LRFN5: variants seen among roughly 807,000 people sequenced by gnomAD.
The protein encoded by LRFN5 is leucine rich repeat and fibronectin type III domain containing 5.
In LRFN5, 24 loss-of-function variants were observed where a neutral mutation model predicts 45.6. The observed-to-expected ratio is 0.53, with a 90% CI of 0.38 to 0.74. The LOEUF is 0.74. Ranked by LOEUF, LRFN5 falls within the 30% of genes least tolerant of loss-of-function variation. The pLI is 0.00. For missense variants in LRFN5, 776 were observed against 861.5 expected (o/e 0.90, Z 1.24); for synonymous variants, 340 against 313.8 (o/e 1.08, Z -0.88).
intron 1 of LRFN5, among the ~76,000 whole-genome samples, chr14:41,716,032 G>A (rs967319309): frequency 6.6e-6 from 1 of 152,192 alleles, no homozygotes; most frequent in Admixed American, 6.5e-5. Context: ...CCACGTGGAA[G>A]CTGCCAAGGC....
At position 41,609,648 on chromosome 14, in the gene LRFN5, T is replaced by C. The variant is rs146278330; in HGVS notation, c.-197+1086T>C. Among the ~76,000 whole-genome samples, 7 of 152,284 alleles carry C rather than the reference T, an allele frequency of 4.6e-5. No individual in the cohort carries two copies. In the East Asian group the frequency reaches 1.4e-3, roughly 29 times the overall value. Reference sequence around the variant, plus strand: ...AGCACTTCCAAAGTAGTCTCATCAATGTTTTATTCCATAGTGAAGACGGTC... The same window carrying C: ...AGCACTTCCAAAGTAGTCTCATCAACGTTTTATTCCATAGTGAAGACGGTC... On this transcript the variant is annotated intron_variant, in intron 1 of 5. Transcript: ENST00000298119.
At chr14:41,626,476 A>G (rs1049158915) in intron 1 of LRFN5, among the ~76,000 whole-genome samples, 1 of 152,066 alleles carries the variant, frequency 6.6e-6, no homozygotes. Flanking sequence ...GAGTTTTTCT[A>G]TGTCTTACAA....
chr14:41,837,180 T>C (rs2139045644), intron 2 of LRFN5, among the ~76,000 whole-genome samples: 2 of 114,754 alleles, frequency 1.7e-5, no homozygotes, highest in East Asian at 2.7e-4. Context: ...GAATTATCTC[T>C]CTCACACACT....
chr14:41,844,273 T>TA (rs1888975063), intron 2 of LRFN5, among the ~76,000 whole-genome samples: 1 of 151,812 alleles, frequency 6.6e-6, no homozygotes, highest in Non-Finnish European at 1.5e-5. Context: ...CCGTCTCTAC[T>TA]AAAAATACAA....
chr14:41,770,150 T>C (rs1420162623), intron 2 of LRFN5, among the ~76,000 whole-genome samples: 1 of 152,162 alleles, frequency 6.6e-6, no homozygotes, highest in Non-Finnish European at 1.5e-5. Context: ...ACCAGGAATT[T>C]ACTCATCACC....
At chr14:41,628,862 CCTT>C (rs1237985359) in intron 1 of LRFN5, among the ~76,000 whole-genome samples, 1 of 152,058 alleles carries the variant, frequency 6.6e-6, no homozygotes, top group Non-Finnish European at 1.5e-5. Flanking sequence ...ATCAGACTCA[CCTT>C]CTTTTGTGTC....
At chr14:41,840,463 C>G (rs1888820778) in intron 2 of LRFN5, among the ~76,000 whole-genome samples, 2 of 151,964 alleles carry the variant, frequency 1.3e-5, no homozygotes, top group Admixed American at 1.3e-4. Context: ...TTAATCACAT[C>G]TGTTAAATAT....
chr14:41,844,450 A>AAT (rs1566479204), intron 2 of LRFN5, among the ~76,000 whole-genome samples: 1 of 151,388 alleles, frequency 6.6e-6, no homozygotes, highest in Non-Finnish European at 1.5e-5. Context: ...AAAAAAAAAA[A>AAT]TATGTATATT....
chr14:41,637,535 T>C (rs1879361979), intron 1 of LRFN5, among the ~76,000 whole-genome samples: 1 of 152,164 alleles, frequency 6.6e-6, no homozygotes, highest in Non-Finnish European at 1.5e-5. Flanking sequence ...TTTACCCTTA[T>C]CCTGTTATCA....
At chr14:41,783,996 C>T (rs1349569867) in intron 2 of LRFN5, among the ~76,000 whole-genome samples, 3 of 152,104 alleles carry the variant, frequency 2.0e-5, no homozygotes, top group Non-Finnish European at 4.4e-5. Context: ...CTTATTTTAC[C>T]TTTCACATTC....
chr14:41,701,771 A>G (rs1327066109), intron 1 of LRFN5, among the ~76,000 whole-genome samples: 2 of 152,166 alleles, frequency 1.3e-5, no homozygotes, highest in African/African-American at 4.8e-5. Context: ...TGGTGACAGC[A>G]TCATGAATAT....
In LRFN5 at chr14:41,769,514, A is replaced by T. The variant is rs74047925; in HGVS notation, c.-21+2485A>T. Among the ~76,000 whole-genome samples, 240 of 152,256 alleles carry T rather than the reference A, an allele frequency of 1.6e-3. 1 individual carries two copies. The highest frequency in any genetic ancestry group is 5.5e-3 in the African/African-American group (230 of 41,544). On this transcript the variant is annotated intron_variant, in intron 2 of 5. Transcript: ENST00000298119. ...TGTGTATTTATGTGCATGTATGTGT[A>T]TGTATATATTTACATATGTGTGTGT...
chr14:41,892,324 T>C (rs1227917164), intron 4 of LRFN5: 2 of 964,296 alleles, frequency 2.1e-6, no homozygotes, highest in South Asian at 4.8e-5. Flanking sequence ...ACTATATATA[T>C]GTATGTATGT....
intron 1 of LRFN5, chr14:41,699,654 G>A (rs1042279626): frequency 6.6e-6 from 1 of 152,048 alleles, no homozygotes; most frequent in African/African-American, 2.4e-5. Flanking sequence ...CTTCACAAAT[G>A]CGTTTACTCA....
At chr14:41,866,126 C>A (rs1418290098) in intron 2 of LRFN5, among the ~76,000 whole-genome samples, 1 of 152,100 alleles carries the variant, frequency 6.6e-6, no homozygotes, top group Non-Finnish European at 1.5e-5. Context: ...CTCCCAATTT[C>A]AAGGCCACAA....
At chr14:41,643,205 G>T (rs1879659162) in intron 1 of LRFN5, among the ~76,000 whole-genome samples, 1 of 152,004 alleles carries the variant, frequency 6.6e-6, no homozygotes, top group Non-Finnish European at 1.5e-5. Context: ...TAAATCAAGA[G>T]AAAAAGGTAT....
At chr14:41,780,238 C>T (rs1886434170) in intron 2 of LRFN5, among the ~76,000 whole-genome samples, 1 of 151,900 alleles carries the variant, frequency 6.6e-6, no homozygotes, top group South Asian at 2.1e-4. Flanking sequence ...TTCAAGCTAT[C>T]TTTCTGTTAT....
intron 1 of LRFN5, among the ~76,000 whole-genome samples, chr14:41,610,661 T>TAAAAAAAAAAAA (rs199770856): frequency 0.019 from 708 of 37,252 alleles, 115 homozygotes; most frequent in Middle Eastern, 0.045. Context: ...CCAGGGAAGG[T>TAAAAAAAAAAAA]AAAAAAAAAA....
At chr14:41,697,775 T>C (rs918795429) in intron 1 of LRFN5, among the ~76,000 whole-genome samples, 12 of 151,866 alleles carry the variant, frequency 7.9e-5, no homozygotes, top group African/African-American at 2.9e-4. Context: ...TAAAAGAATG[T>C]CTTTGTATTT....
Sources: gnomAD v4.1 joint callset for allele counts (sites outside exome capture counted in the v4.1 genomes callset) on GRCh38, gnomAD v4.1.1 for gene constraint, MANE v1.5 for transcripts, NCBI Gene and HGNC (gene_info 2026-07-23, HGNC 2026-07-21) for gene names.